The following TRIM13 variants were observed in gnomAD, a reference collection of about 807,000 sequenced individuals.
TRIM13 encodes the protein E3 ubiquitin-protein ligase TRIM13.
In TRIM13, 15 loss-of-function variants were observed where a neutral mutation model predicts 27.1. The ratio of observed to expected loss-of-function variants is 0.55; its 90% CI spans 0.37 to 0.85. TRIM13 has a LOEUF of 0.85. Among genes scored for constraint, TRIM13 ranks in the 40% least tolerant of loss-of-function variants. The pLI is 0.00. For synonymous variants in TRIM13, 193 were observed against 171.5 expected, an observed-to-expected ratio of 1.13 and a Z score of -0.98; for missense variants, 402 against 472.2, an observed-to-expected ratio of 0.85 and a Z score of 1.38.
intron 1 of TRIM13, among the ~76,000 whole-genome samples, chr13:50,005,678 A>G (rs1054317187): frequency 5.3e-5 from 8 of 151,816 alleles, no homozygotes; most frequent in African/African-American, 1.9e-4. Context: ...CCATCTCTAA[A>G]AAAAAAAGAG....
At position 50,015,137 on chromosome 13, in the gene TRIM13, A is replaced by C. The variant is rs1420277807; in HGVS notation, c.*1973A>C. On this transcript the variant is annotated 3_prime_UTR_variant, in exon 2 of 2. Transcript: ENST00000378182. Reference sequence around the variant, plus strand: ...TATATATATATATATATATATATATATATATATATATATAGTTTTACTAGG... The same window carrying C: ...TATATATATATATATATATATATATCTATATATATATATAGTTTTACTAGG... 2.0e-5 allele frequency: 2 copies of C among 100,118 alleles called. No homozygotes were observed. Among genetic ancestry groups the C allele is most frequent in the African/African-American group, 8.3e-5 (2 of 24,188 alleles). The allele number at this position is 100,118 out of a possible 1,614,324, so 6.2% of individuals were successfully genotyped here. A position where few individuals can be genotyped will look rare whatever the true frequency, so the allele number is the denominator to read the frequency against.
rs756360930 is a variant in TRIM13 at position 50,012,856 on chromosome 13, T to C, written c.916T>C (p.Phe306Leu). Residue 306 changes from phenylalanine to leucine, a missense_variant, in exon 2 of 2, where the codon TTC (phenylalanine) becomes CTC (leucine). Phe to Leu is a conservative substitution (Grantham distance 22). Transcript: ENST00000378182. ...KLSLPQDTGT[F>L]ISKIPWSFYK... Reference sequence around the variant, plus strand: ...TTCTTTGCCTCAAGACACTGGCACATTCATTAGCAAGATTCCCTGGAGCTT... The same window carrying C: ...TTCTTTGCCTCAAGACACTGGCACACTCATTAGCAAGATTCCCTGGAGCTT... 1 of 1,614,130 alleles carries C rather than the reference T, an allele frequency of 6.2e-7. No individual in the cohort carries two copies. Among genetic ancestry groups the C allele is most frequent in the South Asian group, 1.1e-5 (1 of 91,082 alleles).
At chr13:50,005,707 G>C (rs1874606892) in intron 1 of TRIM13, among the ~76,000 whole-genome samples, 1 of 150,758 alleles carries the variant, frequency 6.6e-6, no homozygotes, top group Non-Finnish European at 1.5e-5. Context: ...TAAAACTAAA[G>C]GAAGAAAGGA....
At chr13:50,011,259 G>A (rs972591768) in intron 1 of TRIM13, among the ~76,000 whole-genome samples, 1 of 152,168 alleles carries the variant, frequency 6.6e-6, no homozygotes, top group African/African-American at 2.4e-5. Flanking sequence ...GGGACATCCA[G>A]GTTTCTGCCC....
rs776508233 is a variant in TRIM13 at position 50,005,964 on chromosome 13, G to A, written c.-6-5971G>A. 8.1e-4 allele frequency among the ~76,000 whole-genome samples: 123 copies of A among 151,718 alleles called. 1 individual carries two copies. Among genetic ancestry groups the A allele is most frequent in the African/African-American group, 2.9e-3 (118 of 41,332 alleles). ...ACTCCCGACCTCATCTGCCCACCTC[G>A]GCGGCCTCCCAAAGTGCTGGGATTA... is the stretch of plus-strand genomic sequence containing the variant. On this transcript the variant is annotated intron_variant, in intron 1 of 1. Coordinates refer to ENST00000378182, the MANE Select transcript of TRIM13 (RefSeq NM_213590.3).
intron 1 of TRIM13, among the ~76,000 whole-genome samples, chr13:50,006,163 T>C (rs1461536464): frequency 6.6e-6 from 1 of 152,158 alleles, no homozygotes; most frequent in Non-Finnish European, 1.5e-5. Context: ...TAGTATTTTT[T>C]CCCCTCTGGT....
rs1441701281 is a variant in TRIM13 at position 50,014,862 on chromosome 13, G to A, written c.*1698G>A. ...GAAAATGGGGACAGGATAAAAGGTG[G>A]CAACTAAATTTAAAGCACAGAAGAA... On this transcript the variant is annotated 3_prime_UTR_variant, in exon 2 of 2. Coordinates refer to ENST00000378182, the MANE Select transcript of TRIM13 (RefSeq NM_213590.3). The A allele has an allele frequency of 6.0e-6, 1 of 166,240 alleles. No individual in the cohort carries two copies. The highest frequency in any genetic ancestry group is 2.4e-5 in the African/African-American group (1 of 41,180). 10.3% of individuals were successfully genotyped at this position (166,240 alleles called of 1,614,324 possible).
chr13:50,001,980 A>G (rs866075965), intron 1 of TRIM13, among the ~76,000 whole-genome samples: 1 of 152,224 alleles, frequency 6.6e-6, no homozygotes, highest in East Asian at 1.9e-4. Flanking sequence ...AGAAACTAGT[A>G]TGTATAAGTG....
Position 50,016,771 on chromosome 13 carries a change from C to G in TRIM13, c.*3607C>G, listed in dbSNP as rs776289105. The G allele has an allele frequency of 6.0e-6, 1 of 166,892 alleles. No homozygotes were observed. Among genetic ancestry groups the G allele is most frequent in the Non-Finnish European group, 1.5e-5 (1 of 68,094 alleles). 10.3% of individuals were successfully genotyped at this position (166,892 alleles called of 1,614,324 possible). ...CGTAAAATGTCTTAATGCTGTCCTA[C>G]CATTATTTTACCAACTGTGAAAGCT... On this transcript the variant is annotated 3_prime_UTR_variant, in exon 2 of 2. Coordinates refer to ENST00000378182, the MANE Select transcript of TRIM13 (RefSeq NM_213590.3).
At chr13:50,009,747 A>AC (rs1875320125) in intron 1 of TRIM13, among the ~76,000 whole-genome samples, 1 of 134,076 alleles carries the variant, frequency 7.5e-6, no homozygotes, top group Non-Finnish European at 1.7e-5. Context: ...AAAAAAAAAA[A>AC]AAAAAAAAAA....
intron 1 of TRIM13, among the ~76,000 whole-genome samples, chr13:50,001,730 T>A (rs1874070987): frequency 6.6e-6 from 1 of 152,202 alleles, no homozygotes; most frequent in Non-Finnish European, 1.5e-5. Flanking sequence ...TTTCTTACTT[T>A]GTCCTGTTTT....
intron 1 of TRIM13, among the ~76,000 whole-genome samples, chr13:50,005,803 G>A (rs1374250433): frequency 6.9e-6 from 1 of 144,564 alleles, no homozygotes; most frequent in Non-Finnish European, 1.5e-5. Flanking sequence ...GGCAACCTCT[G>A]GCCTCACGGG....
Position 50,013,264 on chromosome 13 carries a change from C to A in TRIM13, c.*100C>A. Reference sequence around the variant, plus strand: ...AACGATTCTAGTCACATATTTTCCTCCAAAAGTATTCCTTCCAAAAATAAT... The same window carrying A: ...AACGATTCTAGTCACATATTTTCCTACAAAAGTATTCCTTCCAAAAATAAT... On this transcript the variant is annotated 3_prime_UTR_variant, in exon 2 of 2. Coordinates refer to ENST00000378182, the MANE Select transcript of TRIM13 (RefSeq NM_213590.3). The A allele has an allele frequency of 8.2e-7, 1 of 1,216,986 alleles. No homozygotes were observed. The highest frequency in any genetic ancestry group is 1.1e-6 in the Non-Finnish European group (1 of 891,936). 75.4% of individuals were successfully genotyped at this position (1,216,986 alleles called of 1,614,324 possible).
chr13:49,997,945 A>G (rs1466497180), intron 1 of TRIM13, among the ~76,000 whole-genome samples, 182 bp downstream of exon 1: 5 of 152,190 alleles, frequency 3.3e-5, no homozygotes, highest in Non-Finnish European at 7.4e-5. Context: ...ACGTTTAGCA[A>G]TTATTTATGT....
At chr13:50,008,688 T>G (rs561350966) in intron 1 of TRIM13, among the ~76,000 whole-genome samples, 122 of 152,160 alleles carry the variant, frequency 8.0e-4, no homozygotes, top group African/African-American at 2.8e-3. Context: ...TGGTATTGCC[T>G]GTATTAGGGA....
At chr13:50,009,736 C>CAAAAAAAAAAAAAAAAA (rs35561642) in intron 1 of TRIM13, among the ~76,000 whole-genome samples, 3 of 101,160 alleles carry the variant, frequency 3.0e-5, no homozygotes, top group African/African-American at 7.6e-5. Context: ...GACTCCGTCT[C>CAAAAAAAAAAAAAAAAA]AAAAAAAAAA....
chr13:50,004,414 G>C (rs1052059051), intron 1 of TRIM13, among the ~76,000 whole-genome samples: 2 of 152,004 alleles, frequency 1.3e-5, no homozygotes, highest in Non-Finnish European at 2.9e-5. Flanking sequence ...ACAGTGAGCT[G>C]TGTTAGGGTC....
intron 1 of TRIM13, 66 bp from the exon 2 acceptor site, chr13:50,011,869 C>T: frequency 6.8e-7 from 1 of 1,474,506 alleles, no homozygotes; most frequent in Non-Finnish European, 9.1e-7. Context: ...CAGATTTCTT[C>T]TAATTATTAC....
intron 1 of TRIM13, among the ~76,000 whole-genome samples, chr13:50,004,931 C>G (rs1034476958): frequency 4.0e-5 from 6 of 151,796 alleles, no homozygotes; most frequent in South Asian, 2.1e-4. Flanking sequence ...CAAAAATTAG[C>G]CGGGTGTGGT....
Sources: allele counts gnomAD v4.1 joint callset (sites outside exome capture counted in the v4.1 genomes callset), GRCh38; gene constraint gnomAD v4.1.1; transcripts MANE v1.5; gene names NCBI Gene and HGNC (gene_info 2026-07-23, HGNC 2026-07-21).